KYNU: variants seen among roughly 807,000 people sequenced by gnomAD.
The protein encoded by KYNU is L-kynurenine hydrolase.
KYNU carries 54 observed loss-of-function variants against 59.2 expected under a neutral mutation model. The ratio of observed to expected loss-of-function variants is 0.91; its 90% CI spans 0.73 to 1.14. The LOEUF is 1.14. Ranked by LOEUF, KYNU falls within the 50% of genes most tolerant of loss-of-function variation. KYNU has a pLI of 0.00. For missense variants in KYNU, 567 were observed against 554.4 expected, an observed-to-expected ratio of 1.02 and a Z score of -0.23; for synonymous variants, 177 against 192.0, an observed-to-expected ratio of 0.92 and a Z score of 0.65.
intron 3 of KYNU, among the ~76,000 whole-genome samples, chr2:142,925,194 CCTTT>C (rs1355788807): frequency 6.6e-6 from 1 of 152,164 alleles, no homozygotes; most frequent in African/African-American, 2.4e-5. Context: ...CAAGTATCTT[CCTTT>C]AACTACCATT....
intron 4 of KYNU, among the ~76,000 whole-genome samples, chr2:142,929,893 C>T (rs970064139): frequency 3.9e-5 from 6 of 152,124 alleles, no homozygotes; most frequent in South Asian, 4.1e-4. Flanking sequence ...CCATTCATAC[C>T]TGTAAAGGGT....
chr2:142,935,406 TG>T (rs1020478890), intron 4 of KYNU, among the ~76,000 whole-genome samples: 2 of 152,082 alleles, frequency 1.3e-5, no homozygotes, highest in Admixed American at 1.3e-4. Flanking sequence ...ATAATACCAG[TG>T]GGGGTCCTGA....
intron 2 of KYNU, among the ~76,000 whole-genome samples, chr2:142,901,549 A>G (rs1682088886): frequency 6.6e-6 from 1 of 152,038 alleles, no homozygotes; most frequent in Non-Finnish European, 1.5e-5. Flanking sequence ...AGGTTTCTGT[A>G]CAGCCAATAA....
chr2:142,947,395 C>A, intron 4 of KYNU: 1 of 660,208 alleles, frequency 1.5e-6, no homozygotes, highest in Non-Finnish European at 2.5e-6. Context: ...TAGTTGAAGA[C>A]ATCGGAATAA....
At chr2:142,984,446 G>A (rs976767346) in intron 8 of KYNU, among the ~76,000 whole-genome samples, 2 of 152,006 alleles carry the variant, frequency 1.3e-5, no homozygotes, top group Non-Finnish European at 2.9e-5. Context: ...AAGAATATCT[G>A]TTAAATACAT....
At chr2:142,940,931 C>A (rs941271623) in intron 4 of KYNU, among the ~76,000 whole-genome samples, 3 of 152,216 alleles carry the variant, frequency 2.0e-5, no homozygotes, top group African/African-American at 7.2e-5. Context: ...AAAGATACAA[C>A]TCAGAAACAG....
rs750576267 is a variant in KYNU at position 142,956,211 on chromosome 2, T to G, written c.444T>G (p.Phe148Leu). 1 of 1,587,946 alleles carries G rather than the reference T, an allele frequency of 6.3e-7. No homozygotes were observed. The highest frequency in any genetic ancestry group is 2.2e-5 in the East Asian group (1 of 44,608). Residue 148 changes from phenylalanine to leucine, a missense_variant, in exon 6 of 14, where the codon TTT becomes TTG. Coordinates refer to ENST00000264170, the MANE Select transcript of KYNU (RefSeq NM_003937.3). ...TVNLHLLMLS[F>L]FKPTPKRYKI... ...AATCCATTTTATTGCAGTTATCATTTTTTAAGCCTACGCCAAAACGATATA... is the reference window on the plus strand; with the variant it reads ...AATCCATTTTATTGCAGTTATCATTGTTTAAGCCTACGCCAAAACGATATA...
intron 8 of KYNU, among the ~76,000 whole-genome samples, chr2:142,982,052 A>T (rs545581530): frequency 6.6e-6 from 1 of 152,220 alleles, no homozygotes; most frequent in African/African-American, 2.4e-5. Context: ...TGTATTTGTA[A>T]TTTGGGGTTC....
intron 10 of KYNU, among the ~76,000 whole-genome samples, chr2:143,005,824 A>T (rs1450047849): frequency 1.3e-5 from 2 of 152,082 alleles, no homozygotes; most frequent in Non-Finnish European, 2.9e-5. Context: ...TTATTGGTTT[A>T]CAAAGACCAG....
In KYNU at chr2:143,044,331, A is replaced by G. The variant is rs538210300; in HGVS notation, c.*2159A>G. 1 of 152,302 alleles carries G rather than the reference A, an allele frequency of 6.6e-6. No individual in the cohort carries two copies. The highest frequency in any genetic ancestry group is 2.4e-5 in the African/African-American group (1 of 41,562). The allele number at this position is 152,302 out of a possible 1,614,324, so 9.4% of individuals were successfully genotyped here. A position where few individuals can be genotyped will look rare whatever the true frequency, so the allele number is the denominator to read the frequency against. Reference sequence around the variant, plus strand: ...GTGTCTTTATAGTAGAATGATTTATAATCCTTAGGGTATACCCAGTAATGG... The same window carrying G: ...GTGTCTTTATAGTAGAATGATTTATGATCCTTAGGGTATACCCAGTAATGG... On this transcript the variant is annotated 3_prime_UTR_variant, in exon 14 of 14. Transcript: ENST00000264170.
At chr2:143,007,112 C>T (rs1191862862) in intron 10 of KYNU, among the ~76,000 whole-genome samples, 2 of 151,948 alleles carry the variant, frequency 1.3e-5, no homozygotes, top group Non-Finnish European at 2.9e-5. Flanking sequence ...TTACTCTGAG[C>T]TATGGGAGGA....
chr2:142,977,948 T>C (rs1436648441), intron 8 of KYNU, among the ~76,000 whole-genome samples: 1 of 152,194 alleles, frequency 6.6e-6, no homozygotes, highest in South Asian at 2.1e-4. Context: ...GCCCCTCTTA[T>C]AGAAATATTT....
chr2:142,938,760 AAAG>A lies in KYNU; in HGVS notation c.373+11022_373+11024del, dbSNP rs1188000846. Among the ~76,000 whole-genome samples, 3 of 152,212 alleles carry A rather than the reference AAAG, an allele frequency of 2.0e-5. No homozygotes were observed. The East Asian group carries it at 5.8e-4, about 29-fold the overall frequency. ...ATGTTGTGTGGAAAATTTTTTAAAA[AAAG>A]AAAAAAGAAATCTGTTTTTAGTTTA... is the stretch of plus-strand genomic sequence containing the variant. On this transcript the variant is annotated intron_variant, in intron 4 of 13. Coordinates refer to ENST00000264170, the MANE Select transcript of KYNU (RefSeq NM_003937.3).
intron 2 of KYNU, among the ~76,000 whole-genome samples, chr2:142,902,760 T>C (rs1682147905): frequency 6.6e-6 from 1 of 152,196 alleles, no homozygotes; most frequent in African/African-American, 2.4e-5. Context: ...AGATTATCCA[T>C]GTACCAAAGG....
In KYNU at chr2:142,891,990, G is replaced by A. The variant is rs556048323; in HGVS notation, c.169+6454G>A. On this transcript the variant is annotated intron_variant, in intron 2 of 13. Coordinates refer to ENST00000264170, the MANE Select transcript of KYNU (RefSeq NM_003937.3). ...TGTAGTGGTGCAATTTTGACTCAGA[G>A]CAACCTCCACCCCCTGAACTCAAAG... Among the ~76,000 whole-genome samples the A allele has an allele frequency of 4.6e-5, 7 of 152,000 alleles. No individual in the cohort carries two copies. In the South Asian group the frequency reaches 1.5e-3, roughly 32 times the overall value.
In KYNU at chr2:142,899,988, G is replaced by A. The variant is rs142723070; in HGVS notation, c.169+14452G>A. On this transcript the variant is annotated intron_variant, in intron 2 of 13. Coordinates refer to ENST00000264170, the MANE Select transcript of KYNU (RefSeq NM_003937.3). Reference sequence around the variant, plus strand: ...GGTGGCAGGCCCCTTCCAAGATAGCGGCAAGCCTCTTGTTCTCTGACCTGG... The same window carrying A: ...GGTGGCAGGCCCCTTCCAAGATAGCAGCAAGCCTCTTGTTCTCTGACCTGG... Among the ~76,000 whole-genome samples, 965 of 152,150 alleles carry A rather than the reference G, an allele frequency of 6.3e-3. 8 individuals are homozygous for A. The highest frequency in any genetic ancestry group is 0.021 in the African/African-American group (851 of 41,490).
chr2:143,031,502 T>A (rs1276225220), intron 11 of KYNU, among the ~76,000 whole-genome samples: 4 of 151,450 alleles, frequency 2.6e-5, no homozygotes, highest in Admixed American at 2.0e-4. Flanking sequence ...GGCAGATGGA[T>A]CAATTGATCA....
chr2:142,882,803 T>C lies in KYNU; in HGVS notation c.-19-2546T>C, dbSNP rs1681348953. ...TGCAATAAACATACATGTGCATGTG[T>C]CTTTATAGCAGCATGATTTATAATC... On this transcript the variant is annotated intron_variant, in intron 1 of 13. Transcript: ENST00000264170. 3.9e-5 allele frequency among the ~76,000 whole-genome samples: 6 copies of C among 152,350 alleles called. No homozygotes were observed. In the South Asian group the frequency reaches 1.2e-3, roughly 32 times the overall value.
chr2:142,994,442 C>T (rs989424863), intron 10 of KYNU, among the ~76,000 whole-genome samples: 3 of 152,058 alleles, frequency 2.0e-5, no homozygotes, highest in Non-Finnish European at 2.9e-5. Flanking sequence ...ATTCTTTTGT[C>T]CAGAGCTAGC....
Sources: allele counts gnomAD v4.1 joint callset (sites outside exome capture counted in the v4.1 genomes callset), GRCh38; gene constraint gnomAD v4.1.1; transcripts MANE v1.5; gene names NCBI Gene and HGNC (gene_info 2026-07-23, HGNC 2026-07-21).